The following SH2D1A variants were observed in gnomAD, a reference collection of about 807,000 sequenced individuals.
The protein encoded by SH2D1A is SH2 domain-containing protein 1A.
Under a neutral mutation model 10.1 loss-of-function variants are expected in SH2D1A, and 6 were observed. The observed-to-expected ratio is 0.60, with a 90% CI of 0.33 to 1.18. The LOEUF (loss-of-function observed/expected upper bound fraction) is 1.18, where lower values mean the gene tolerates loss of function less well. Ranked by LOEUF, SH2D1A falls within the 50% of genes most tolerant of loss-of-function variation. SH2D1A has a pLI of 0.04. For synonymous variants in SH2D1A, 42 were observed against 36.9 expected (o/e 1.14, Z -0.51); for missense variants, 51 against 97.6 (o/e 0.52, Z 2.01).
intron 1 of SH2D1A, among the ~76,000 whole-genome samples, chrX:124,362,388 T>C (rs1157925095): frequency 8.9e-6 from 1 of 112,394 alleles, no homozygotes; most frequent in Non-Finnish European, 1.9e-5. Context: ...AGGATTATTC[T>C]TGAGCCTTAA....
At chrX:124,347,545 C>T (rs1023075253) in intron 1 of SH2D1A, among the ~76,000 whole-genome samples, 2 of 111,551 alleles carry the variant, frequency 1.8e-5, no homozygotes, top group South Asian at 7.6e-4. Flanking sequence ...TCCAGGGCTC[C>T]GGAGTCAGGC....
intron 3 of SH2D1A, 25 bp downstream of exon 3, chrX:124,370,345 C>G (rs1378604821): frequency 1.7e-6 from 2 of 1,170,325 alleles, no homozygotes; most frequent in East Asian, 3.0e-5. Flanking sequence ...TAATTTTTGA[C>G]AGGGTTTGGA....
intron 1 of SH2D1A, among the ~76,000 whole-genome samples, chrX:124,357,324 T>C (rs1271849961): frequency 2.7e-5 from 3 of 112,410 alleles, no homozygotes; most frequent in African/African-American, 9.7e-5. Flanking sequence ...AGATTTCCTT[T>C]GTGTTTAAGG....
At chrX:124,368,211 C>T (rs756618049) in intron 2 of SH2D1A, among the ~76,000 whole-genome samples, 2 of 111,268 alleles carry the variant, frequency 1.8e-5, no homozygotes, top group Admixed American at 1.9e-4. Context: ...GGTGGAATGG[C>T]CCGATCTCGG....
At chrX:124,369,182 A>C (rs963853068) in intron 2 of SH2D1A, among the ~76,000 whole-genome samples, 3 of 111,372 alleles carry the variant, frequency 2.7e-5, no homozygotes, top group African/African-American at 9.8e-5. Flanking sequence ...TTAAATGCTA[A>C]AAAAACAAAC....
At position 124,371,093 on chromosome X, in the gene SH2D1A, G is replaced by A. The variant is rs763539037; in HGVS notation, c.347-258G>A. 1.2e-3 allele frequency among the ~76,000 whole-genome samples: 137 copies of A among 111,893 alleles called. 1 individual carries two copies. In the East Asian group the frequency reaches 0.037, roughly 30 times the overall value. ...ATAAACTGACAATTAGACTCAAGTG[G>A]TGAATTAAATTAATGAATAGTTAGC... On this transcript the variant is annotated intron_variant, in intron 3 of 3. Transcript: ENST00000371139.
chrX:124,352,825 T>A (rs2060018313), intron 1 of SH2D1A, among the ~76,000 whole-genome samples: 1 of 110,968 alleles, frequency 9.0e-6, no homozygotes, highest in African/African-American at 3.3e-5. Context: ...GAGAGTAAAA[T>A]GATAGTTACC....
chrX:124,371,774 C>A lies in SH2D1A; in HGVS notation c.*383C>A, dbSNP rs962390513. 1.2e-5 allele frequency: 2 copies of A among 168,361 alleles called. No homozygotes were observed. The highest frequency in any genetic ancestry group is 2.3e-5 in the Non-Finnish European group (2 of 88,566). The allele number at this position is 168,361 out of a possible 1,213,427, so 13.9% of individuals were successfully genotyped here. ...TTTATAGCTACTAATTTTAAAATGT[C>A]TTGCTTGATTGTATGGTGGGAAGTT... On this transcript the variant is annotated 3_prime_UTR_variant, in exon 4 of 4. Coordinates refer to ENST00000371139, the MANE Select transcript of SH2D1A (RefSeq NM_002351.5).
At chrX:124,364,436 A>G (rs1451106812) in intron 1 of SH2D1A, 1 of 280,769 alleles carries the variant, frequency 3.6e-6, no homozygotes, top group Admixed American at 4.1e-5. Flanking sequence ...AAAAGAGTCA[A>G]AAAGTTTAAA....
intron 2 of SH2D1A, among the ~76,000 whole-genome samples, chrX:124,368,854 T>A (rs1292220109): frequency 2.7e-5 from 3 of 112,060 alleles, no homozygotes; most frequent in Non-Finnish European, 5.6e-5. Context: ...GGAGACTCTA[T>A]CTTGGAACCA....
intron 1 of SH2D1A, among the ~76,000 whole-genome samples, chrX:124,350,547 C>A (rs1219861185): frequency 1.5e-4 from 6 of 39,295 alleles, no homozygotes; most frequent in African/African-American, 5.8e-4. Context: ...ATAATATATA[C>A]TATATTATAT....
intron 3 of SH2D1A, 76 bp from the exon 4 acceptor site, chrX:124,371,275 T>G: frequency 1.4e-6 from 1 of 710,845 alleles, no homozygotes; most frequent in Middle Eastern, 4.2e-4. Context: ...GTTGGAAATT[T>G]TATAAGTTTG....
rs781600631 is a variant in SH2D1A at position 124,365,782 on chromosome X, A to G, written c.159A>G (p.Thr53=). 1 of 1,179,490 alleles carries G rather than the reference A, an allele frequency of 8.5e-7. No individual in the cohort carries two copies. The highest frequency in any genetic ancestry group is 1.8e-5 in the South Asian group (1 of 56,197). The part of the protein sequence containing the change: ...LCVLYHGYIY[T]YRVSQTETGS... ...ACAGGTATCACGGTTACATTTATAC[A>G]TACCGAGTGTCCCAGACAGAAACAG... Residue 53 remains threonine (T), a synonymous_variant, in exon 2 of 4, where the codon ACA becomes ACG. Coordinates refer to ENST00000371139, the MANE Select transcript of SH2D1A (RefSeq NM_002351.5).
At chrX:124,347,578 C>T (rs1387016935) in intron 1 of SH2D1A, among the ~76,000 whole-genome samples, 1 of 111,381 alleles carries the variant, frequency 9.0e-6, no homozygotes, top group Non-Finnish European at 1.9e-5. Flanking sequence ...TTGTCCTGTG[C>T]TCGTCAGATG....
rs774203697 is a variant in SH2D1A, at chrX:124,352,893, C to G, written c.137+6114C>G. ...AGGTTGGCTAATGGGTACAAACAGA[C>G]AGTTAGATAGAAGAAATAGGTTCTA... is the stretch of plus-strand genomic sequence containing the variant. On this transcript the variant is annotated intron_variant, in intron 1 of 3. Coordinates refer to ENST00000371139, the MANE Select transcript of SH2D1A (RefSeq NM_002351.5). Among the ~76,000 whole-genome samples, 5 of 111,342 alleles carry G rather than the reference C, an allele frequency of 4.5e-5. No individual in the cohort carries two copies. The South Asian group carries it at 1.9e-3, about 41-fold the overall frequency.
chrX:124,369,888 G>A (rs1184096167), intron 2 of SH2D1A, among the ~76,000 whole-genome samples: 2 of 111,193 alleles, frequency 1.8e-5, no homozygotes, highest in Non-Finnish European at 3.8e-5. Flanking sequence ...GGTTTGAGAT[G>A]TCTGATGGGG....
Position 124,356,763 on chromosome X carries a change from T to C in SH2D1A, c.138-8998T>C, listed in dbSNP as rs192372952. ...CGTGAGCCATCGTGCCCAGCCAGCA[T>C]TAACATTGTAAACCTTCACCTTTGA... On this transcript the variant is annotated intron_variant, in intron 1 of 3. Coordinates refer to ENST00000371139, the MANE Select transcript of SH2D1A (RefSeq NM_002351.5). Among the ~76,000 whole-genome samples, 3 of 112,670 alleles carry C rather than the reference T, an allele frequency of 2.7e-5. No individual in the cohort carries two copies. In the East Asian group the frequency reaches 8.4e-4, roughly 31 times the overall value.
intron 2 of SH2D1A, among the ~76,000 whole-genome samples, chrX:124,366,876 AAC>A (rs59536671): frequency 0.12 from 10,202 of 86,814 alleles, 618 homozygotes; most frequent in African/African-American, 0.2. Context: ...TATACTGACA[AAC>A]ACACACACAC....
chrX:124,354,301 C>A (rs1211132410), intron 1 of SH2D1A, among the ~76,000 whole-genome samples: 3 of 111,229 alleles, frequency 2.7e-5, no homozygotes, highest in African/African-American at 9.8e-5. Flanking sequence ...AAGGGGGAGT[C>A]TGGGTTGATC....
Sources: allele counts gnomAD v4.1 joint callset (sites outside exome capture counted in the v4.1 genomes callset), GRCh38; gene constraint gnomAD v4.1.1; transcripts MANE v1.5; gene names NCBI Gene and HGNC (gene_info 2026-07-23, HGNC 2026-07-21).